The following SERINC5 variants were observed in gnomAD, a reference collection of about 807,000 sequenced individuals.
The protein encoded by SERINC5 is chromosome 5 open reading frame 12.
Under a neutral mutation model 63.1 loss-of-function variants are expected in SERINC5, and 41 were observed. The observed-to-expected ratio is 0.65, with a 90% CI of 0.51 to 0.84. The LOEUF (loss-of-function observed/expected upper bound fraction) is 0.84, where lower values mean the gene tolerates loss of function less well. Among genes scored for constraint, SERINC5 ranks in the 40% least tolerant of loss-of-function variants. The probability of loss-of-function intolerance (pLI) is 0.00; values close to 1 mark genes in which losing one functional copy is unlikely to be tolerated. For synonymous variants in SERINC5, 222 were observed against 215.2 expected, an observed-to-expected ratio of 1.03 and a Z score of -0.28; for missense variants, 523 against 573.0, an observed-to-expected ratio of 0.91 and a Z score of 0.89.
chr5:80,225,721 A>T (rs1308040506), intron 1 of SERINC5, among the ~76,000 whole-genome samples: 1 of 152,184 alleles, frequency 6.6e-6, no homozygotes, highest in Non-Finnish European at 1.5e-5. Context: ...CCTGTGTAAT[A>T]TGCACTCACA....
intron 2 of SERINC5, among the ~76,000 whole-genome samples, chr5:80,190,294 G>A (rs1313734259): frequency 1.3e-5 from 2 of 151,332 alleles, no homozygotes; most frequent in African/African-American, 4.9e-5. Flanking sequence ...TGTATTTTTT[G>A]TAGAGACGGG....
Position 80,119,589 on chromosome 5 carries a change from G to GTC in SERINC5, c.1239-5966_1239-5965dup, listed in dbSNP as rs553709294. Among the ~76,000 whole-genome samples, 6 of 152,318 alleles carry GTC rather than the reference G, an allele frequency of 3.9e-5. No individual in the cohort carries two copies. The South Asian group carries it at 1.2e-3, about 32-fold the overall frequency. ...ATGACGCCATTCCTACAGATGGAAG[G>GTC]TCAGCTACACTGGAGAAGTTCCAGA... On this transcript the variant is annotated intron_variant, in intron 11 of 12. Coordinates refer to the SERINC5 transcript ENST00000509193.
At position 80,233,912 on chromosome 5, in the gene SERINC5, A is replaced by G. The variant is rs1001672911; in HGVS notation, c.27+21984T>C. Among the ~76,000 whole-genome samples the G allele has an allele frequency of 2.0e-5, 3 of 149,322 alleles. No individual in the cohort carries two copies. The Admixed American group carries it at 2.0e-4, about 10-fold the overall frequency. On this transcript the variant is annotated intron_variant, in intron 1 of 11. Transcript: ENST00000507668. ...CTACAACCTCTGCCTCCCGGGTTCA[A>G]GTGATTCTTCTGCCTCAGCCTCCTG... is the stretch of plus-strand genomic sequence containing the variant.
chr5:80,219,820 T>C (rs1002959183), intron 1 of SERINC5, among the ~76,000 whole-genome samples: 8 of 152,102 alleles, frequency 5.3e-5, no homozygotes, highest in Middle Eastern at 3.2e-3. Context: ...GAAATGAAAA[T>C]AACCTTACAT....
chr5:80,204,086 A>G (rs1192084960), intron 1 of SERINC5, among the ~76,000 whole-genome samples: 3 of 152,090 alleles, frequency 2.0e-5, no homozygotes. Context: ...GGCGCTCGGG[A>G]CCCTTCCGGA....
In SERINC5 at chr5:80,142,530, C is replaced by T. The variant is rs1228525598; in HGVS notation, c.*1133G>A. On this transcript the variant is annotated 3_prime_UTR_variant, in exon 12 of 12. Transcript: ENST00000507668. ...ATATTCGGCCACTTCCACACATTGC[C>T]TAACAAGCTTCTTCTGGTCAGTGTG... is the stretch of plus-strand genomic sequence containing the variant. 2.0e-6 allele frequency: 2 copies of T among 985,330 alleles called. No individual in the cohort carries two copies. Among genetic ancestry groups the T allele is most frequent in the Non-Finnish European group, 1.2e-6 (1 of 829,954 alleles). 61.0% of individuals were successfully genotyped at this position (985,330 alleles called of 1,614,324 possible).
downstream of SERINC5, among the ~76,000 whole-genome samples, chr5:80,137,176 C>G (rs185579836): frequency 7.1e-3 from 955 of 135,158 alleles, 6 homozygotes; most frequent in Non-Finnish European, 0.012. Context: ...AAAAAAACAC[C>G]TAAAAACCTG....
chr5:80,231,623 TA>T (rs377434100), intron 1 of SERINC5, among the ~76,000 whole-genome samples: 2,519 of 139,738 alleles, frequency 0.018, 53 homozygotes, highest in African/African-American at 0.053. Flanking sequence ...ACAGTCAAAT[TA>T]AAAAAAAAAA....
At chr5:80,196,058 C>T (rs1156555591) in intron 2 of SERINC5, among the ~76,000 whole-genome samples, 6 of 152,114 alleles carry the variant, frequency 3.9e-5, no homozygotes, top group African/African-American at 1.4e-4. Flanking sequence ...CCGTGACTGA[C>T]TGGAATGCAG....
intron 2 of SERINC5, among the ~76,000 whole-genome samples, chr5:80,199,315 T>G (rs1311306688): frequency 1.3e-5 from 2 of 152,216 alleles, no homozygotes; most frequent in Non-Finnish European, 1.5e-5. Flanking sequence ...TTTCCCCATC[T>G]GTAGGGCAGG....
chr5:80,233,337 G>T (rs1335977341), intron 1 of SERINC5, among the ~76,000 whole-genome samples: 1 of 152,160 alleles, frequency 6.6e-6, no homozygotes, highest in African/African-American at 2.4e-5. Context: ...TGAGACAGGA[G>T]AATCACTTGA....
At position 80,142,591 on chromosome 5, in the gene SERINC5, A is replaced by G. The variant is rs911540703; in HGVS notation, c.*1072T>C. ...TCACCTCAGAAATTCTCACATTAGC[A>G]AACCTACTCCAAGGATGCCAGCATG... On this transcript the variant is annotated 3_prime_UTR_variant, in exon 12 of 12. Transcript: ENST00000507668. 1 of 985,398 alleles carries G rather than the reference A, an allele frequency of 1.0e-6. No individual in the cohort carries two copies. The highest frequency in any genetic ancestry group is 1.2e-6 in the Non-Finnish European group (1 of 829,920). The allele number at this position is 985,398 out of a possible 1,614,324, so 61.0% of individuals were successfully genotyped here. A position where few individuals can be genotyped will look rare whatever the true frequency, so the allele number is the denominator to read the frequency against.
chr5:80,166,811 GA>G, intron 6 of SERINC5: 2 of 209,332 alleles, frequency 9.6e-6, no homozygotes, highest in Non-Finnish European at 9.8e-6. Flanking sequence ...CACAAGATCA[GA>G]AAAAAAATTA....
chr5:80,209,026 C>T lies in SERINC5; in HGVS notation c.28-5973G>A, dbSNP rs115315292. On this transcript the variant is annotated intron_variant, in intron 1 of 11. Coordinates refer to ENST00000507668, the MANE Select transcript of SERINC5 (RefSeq NM_001174072.3). Reference sequence around the variant, plus strand: ...TGGATCACGCATGTAATCCCAACTCCCAAAGCGAGTAGACTGCTTGAGGCC... The same window carrying T: ...TGGATCACGCATGTAATCCCAACTCTCAAAGCGAGTAGACTGCTTGAGGCC... Among the ~76,000 whole-genome samples, 1,302 of 152,250 alleles carry T rather than the reference C, an allele frequency of 8.6e-3. 4 individuals carry two copies. Among genetic ancestry groups the T allele is most frequent in the Non-Finnish European group, 0.014 (954 of 68,022 alleles).
Position 80,141,530 on chromosome 5 carries a change from C to T in SERINC5, c.*2133G>A. The T allele has an allele frequency of 1.0e-6, 1 of 985,476 alleles. No individual in the cohort carries two copies. The highest frequency in any genetic ancestry group is 1.2e-6 in the Non-Finnish European group (1 of 829,984). 61.0% of individuals were successfully genotyped at this position (985,476 alleles called of 1,614,324 possible). ...AGGACAAAGCAAGGGCTCTGCTAGA[C>T]CTCAGCAGGAGGAAAACAATGAAAC... On this transcript the variant is annotated 3_prime_UTR_variant, in exon 12 of 12. Transcript: ENST00000507668.
At chr5:80,241,154 T>C (rs1751921606) in intron 1 of SERINC5, among the ~76,000 whole-genome samples, 1 of 152,098 alleles carries the variant, frequency 6.6e-6, no homozygotes, top group Non-Finnish European at 1.5e-5. Flanking sequence ...CTACATACTA[T>C]AATCCTTAGA....
Position 80,140,658 on chromosome 5 carries a change from A to AT in SERINC5, c.*3004dup. ...GACGTGGTTGGGTTTCTGAAGGCTTATAATGGAAATAGTCTCTAGTCTCCA... is the reference window on the plus strand; with the variant it reads ...GACGTGGTTGGGTTTCTGAAGGCTTATTAATGGAAATAGTCTCTAGTCTCCA... On this transcript the variant is annotated 3_prime_UTR_variant, in exon 12 of 12. Coordinates refer to ENST00000507668, the MANE Select transcript of SERINC5 (RefSeq NM_001174072.3). The AT allele has an allele frequency of 1.0e-6, 1 of 985,408 alleles. No individual in the cohort carries two copies. The highest frequency in any genetic ancestry group is 1.2e-6 in the Non-Finnish European group (1 of 829,906). The allele number at this position is 985,408 out of a possible 1,614,324, so 61.0% of individuals were successfully genotyped here. A position where few individuals can be genotyped will look rare whatever the true frequency, so the allele number is the denominator to read the frequency against.
intron 2 of SERINC5, 41 bp from the exon 3 acceptor site, chr5:80,178,105 T>A: frequency 7.1e-7 from 1 of 1,405,984 alleles, no homozygotes; most frequent in Non-Finnish European, 9.7e-7. Context: ...TACAACTGAG[T>A]GAGAGGTGGA....
intron 2 of SERINC5, among the ~76,000 whole-genome samples, chr5:80,182,182 A>T (rs774564113): frequency 1.3e-5 from 2 of 152,174 alleles, no homozygotes; most frequent in Non-Finnish European, 1.5e-5. Context: ...TTTGTAACTG[A>T]AATAGCATCA....
Sources: allele counts gnomAD v4.1 joint callset (sites outside exome capture counted in the v4.1 genomes callset), GRCh38; gene constraint gnomAD v4.1.1; transcripts MANE v1.5; gene names NCBI Gene and HGNC (gene_info 2026-07-23, HGNC 2026-07-21).